The following GRID1 variants were observed in gnomAD, a reference collection of about 807,000 sequenced individuals.
GRID1 encodes glutamate ionotropic receptor delta type subunit 1.
In GRID1, 28 loss-of-function variants were observed where a neutral mutation model predicts 98.0. The ratio of observed to expected loss-of-function variants is 0.29; its 90% CI spans 0.21 to 0.39. GRID1 has a LOEUF of 0.39. Among genes scored for constraint, GRID1 ranks in the 10% least tolerant of loss-of-function variants. GRID1 has a pLI of 1.00. For missense variants in GRID1, 1,111 were observed against 1,340.5 expected (o/e 0.83, Z 2.67); for synonymous variants, 553 against 538.5 (o/e 1.03, Z -0.37).
chr10:85,994,064 T>A (rs1469820290), intron 4 of GRID1, among the ~76,000 whole-genome samples: 1 of 152,210 alleles, frequency 6.6e-6, no homozygotes, highest in East Asian at 1.9e-4. Flanking sequence ...TCTTCCCTGA[T>A]GAACCAGCTA....
intron 3 of GRID1, among the ~76,000 whole-genome samples, chr10:86,147,721 G>A (rs1223704746): frequency 6.6e-6 from 1 of 152,086 alleles, no homozygotes; most frequent in Non-Finnish European, 1.5e-5. Context: ...TACCCTGGAG[G>A]GCCTGTCTCT....
chr10:85,901,754 A>G (rs1841392141), intron 5 of GRID1, among the ~76,000 whole-genome samples: 1 of 152,114 alleles, frequency 6.6e-6, no homozygotes, highest in African/African-American at 2.4e-5. Context: ...GCACAATGGT[A>G]TGTCACTTCT....
chr10:85,715,521 CAAAT>C (rs1841628605), intron 12 of GRID1, among the ~76,000 whole-genome samples: 2 of 152,066 alleles, frequency 1.3e-5, no homozygotes, highest in East Asian at 3.9e-4. Flanking sequence ...AACCACAAAA[CAAAT>C]AGTTTAATTT....
intron 8 of GRID1, among the ~76,000 whole-genome samples, chr10:85,731,517 T>C (rs1481487693): frequency 6.7e-6 from 1 of 148,582 alleles, no homozygotes; most frequent in African/African-American, 2.5e-5. Flanking sequence ...CCTTAAAAAA[T>C]AGGCTGAGAG....
chr10:85,913,688 C>T (rs750447541), intron 5 of GRID1, among the ~76,000 whole-genome samples: 12 of 79,510 alleles, frequency 1.5e-4, no homozygotes, highest in Non-Finnish European at 2.4e-4. Flanking sequence ...ACTCAGGAGG[C>T]TGAGGCAGGA....
At chr10:85,668,268 C>G (rs902689201) in intron 12 of GRID1, among the ~76,000 whole-genome samples, 3 of 152,198 alleles carry the variant, frequency 2.0e-5, no homozygotes, top group Non-Finnish European at 4.4e-5. Context: ...AGACAACAGT[C>G]AGATTCATTC....
At chr10:86,312,404 C>T (rs917623914) in intron 2 of GRID1, among the ~76,000 whole-genome samples, 2 of 152,218 alleles carry the variant, frequency 1.3e-5, no homozygotes, top group Non-Finnish European at 2.9e-5. Flanking sequence ...CAAGTTCACC[C>T]TTCATTAGTC....
At chr10:85,707,466 G>A (rs1841533645) in intron 12 of GRID1, among the ~76,000 whole-genome samples, 3 of 152,186 alleles carry the variant, frequency 2.0e-5, no homozygotes, top group South Asian at 2.1e-4. Context: ...GGAAACAACA[G>A]GTGCTGGAGA....
At chr10:86,219,849 AAACT>A (rs1197440571) in intron 2 of GRID1, among the ~76,000 whole-genome samples, 2 of 152,214 alleles carry the variant, frequency 1.3e-5, no homozygotes, top group Non-Finnish European at 2.9e-5. Flanking sequence ...CATCTCTCAC[AAACT>A]AACTCTGTCC....
Position 85,601,889 on chromosome 10 carries a change from G to A in GRID1, c.*384C>T, listed in dbSNP as rs988167100. On this transcript the variant is annotated 3_prime_UTR_variant, in exon 16 of 16. Transcript: ENST00000327946. ...CAGCGAGTGGCATGTGGGGTTCCTCGTCTTCCCTTCTCCCCCAGCAGAGAG... is the reference window on the plus strand; with the variant it reads ...CAGCGAGTGGCATGTGGGGTTCCTCATCTTCCCTTCTCCCCCAGCAGAGAG... The A allele has an allele frequency of 6.1e-5, 11 of 181,762 alleles. No individual in the cohort carries two copies. The highest frequency in any genetic ancestry group is 8.0e-5 in the Non-Finnish European group (7 of 87,756). The allele number at this position is 181,762 out of a possible 1,614,324, so 11.3% of individuals were successfully genotyped here.
intron 2 of GRID1, among the ~76,000 whole-genome samples, chr10:86,357,859 C>T (rs988828456): frequency 7.2e-5 from 11 of 152,176 alleles, no homozygotes; most frequent in African/African-American, 2.7e-4. Context: ...GGACCAGGAA[C>T]AGCAGCTCTC....
intron 12 of GRID1, among the ~76,000 whole-genome samples, chr10:85,675,244 G>A (rs1355099580): frequency 6.6e-6 from 1 of 152,194 alleles, no homozygotes; most frequent in Non-Finnish European, 1.5e-5. Context: ...GCAGCCAGGA[G>A]GGATTGATGA....
chr10:85,812,858 A>C (rs1257038528), intron 8 of GRID1, among the ~76,000 whole-genome samples: 3 of 151,778 alleles, frequency 2.0e-5, no homozygotes, highest in African/African-American at 7.3e-5. Context: ...TGTATATTAT[A>C]TATATATACA....
At chr10:86,129,160 T>C (rs1183309834) in intron 4 of GRID1, among the ~76,000 whole-genome samples, 2 of 152,100 alleles carry the variant, frequency 1.3e-5, no homozygotes, top group African/African-American at 4.8e-5. Context: ...AGCCAATCCA[T>C]CCCCTCAGGC....
At chr10:86,013,124 A>G (rs1425601054) in intron 4 of GRID1, among the ~76,000 whole-genome samples, 1 of 152,192 alleles carries the variant, frequency 6.6e-6, no homozygotes, top group Non-Finnish European at 1.5e-5. Context: ...GACCTATTCA[A>G]TAGCTGTTTT....
intron 4 of GRID1, among the ~76,000 whole-genome samples, chr10:86,022,144 T>C (rs1490099048): frequency 1.3e-5 from 2 of 152,218 alleles, no homozygotes; most frequent in South Asian, 2.1e-4. Flanking sequence ...CCAGTGTGTA[T>C]TGTACATTTA....
intron 15 of GRID1, among the ~76,000 whole-genome samples, chr10:85,610,615 T>C (rs1246173910): frequency 6.6e-6 from 1 of 152,196 alleles, no homozygotes; most frequent in Non-Finnish European, 1.5e-5. Flanking sequence ...GGGCTGGATG[T>C]CCTCGGTGCT....
At chr10:86,200,068 A>C (rs1359974907) in intron 3 of GRID1, among the ~76,000 whole-genome samples, 2 of 151,496 alleles carry the variant, frequency 1.3e-5, no homozygotes, top group East Asian at 3.9e-4. Context: ...CCTCCTCTCC[A>C]TTGCCCCCAG....
chr10:86,314,715 G>T (rs1160735330), intron 2 of GRID1, among the ~76,000 whole-genome samples: 2 of 152,190 alleles, frequency 1.3e-5, no homozygotes, highest in African/African-American at 4.8e-5. Context: ...CTCAGCTCTT[G>T]GGCCAACAGT....
Sources: allele counts gnomAD v4.1 joint callset (sites outside exome capture counted in the v4.1 genomes callset), GRCh38; gene constraint gnomAD v4.1.1; transcripts MANE v1.5; gene names NCBI Gene and HGNC (gene_info 2026-07-23, HGNC 2026-07-21).